The following DACH1 variants were observed in gnomAD, a reference collection of about 807,000 sequenced individuals.
DACH1 encodes the protein dachshund family transcription factor 1, also known as dachshund homolog 1.
A neutral mutation model predicts 54.2 loss-of-function variants in DACH1; 12 were observed. The ratio of observed to expected loss-of-function variants is 0.22; its 90% CI spans 0.14 to 0.36. The LOEUF (loss-of-function observed/expected upper bound fraction) is 0.36, where lower values mean the gene tolerates loss of function less well. Among genes scored for constraint, DACH1 ranks in the 10% least tolerant of loss-of-function variants. DACH1 has a pLI of 1.00. For missense variants in DACH1, 805 were observed against 929.8 expected, an observed-to-expected ratio of 0.87 and a Z score of 1.75; for synonymous variants, 386 against 366.2, an observed-to-expected ratio of 1.05 and a Z score of -0.62.
chr13:71,848,723 C>G (rs1281439702), intron 1 of DACH1, among the ~76,000 whole-genome samples: 1 of 152,026 alleles, frequency 6.6e-6, no homozygotes, highest in African/African-American at 2.4e-5. Context: ...GGGGTTCTCA[C>G]TATGTTGCCC....
At chr13:71,727,093 A>T (rs1296040003) in intron 1 of DACH1, among the ~76,000 whole-genome samples, 1 of 152,086 alleles carries the variant, frequency 6.6e-6, no homozygotes, top group African/African-American at 2.4e-5. Context: ...AAGTCTTCAA[A>T]AAACAAGGCC....
rs895379431 is a variant in DACH1, at chr13:71,674,985, C to A, written c.964+6810G>T. 3.5e-4 allele frequency: 247 copies of A among 706,698 alleles called. 1 individual carries two copies. Among genetic ancestry groups the A allele is most frequent in the Non-Finnish European group, 5.5e-4 (216 of 392,864 alleles). The allele number at this position is 706,698 out of a possible 1,614,324, so 43.8% of individuals were successfully genotyped here. ...CGCAGCCGCCACCGCGCTGCCGTCG[C>A]TCTCCAACGCCAGCGCCGCCTCTCG... On this transcript the variant is annotated intron_variant, in intron 2 of 10. Coordinates refer to ENST00000613252, the MANE Select transcript of DACH1 (RefSeq NM_080759.6).
intron 1 of DACH1, among the ~76,000 whole-genome samples, chr13:71,832,718 C>A (rs970816905): frequency 6.6e-6 from 1 of 151,972 alleles, no homozygotes; most frequent in African/African-American, 2.4e-5. Context: ...ACATCTTCTA[C>A]TACTGGAAAT....
At chr13:71,723,728 T>C (rs2137891514) in intron 1 of DACH1, among the ~76,000 whole-genome samples, 1 of 152,302 alleles carries the variant, frequency 6.6e-6, no homozygotes, top group African/African-American at 2.4e-5. Context: ...TCTCACTGCC[T>C]TTTCCAGTCT....
intron 6 of DACH1, among the ~76,000 whole-genome samples, chr13:71,507,593 T>G (rs749528028): frequency 2.0e-5 from 3 of 152,108 alleles, no homozygotes; most frequent in Admixed American, 2.0e-4. Flanking sequence ...GAATGCCAAA[T>G]GCAACACTGT....
chr13:71,631,293 A>G (rs1489707624), intron 2 of DACH1, among the ~76,000 whole-genome samples: 1 of 152,144 alleles, frequency 6.6e-6, no homozygotes, highest in African/African-American at 2.4e-5. Flanking sequence ...TCCTGAAAAA[A>G]GCTACTCATT....
At chr13:71,780,903 G>A (rs1260854723) in intron 1 of DACH1, among the ~76,000 whole-genome samples, 2 of 152,088 alleles carry the variant, frequency 1.3e-5, no homozygotes, top group African/African-American at 4.8e-5. Context: ...GGAGGCCAAG[G>A]CAAGAGAACT....
chr13:71,627,720 G>A lies in DACH1; in HGVS notation c.1126+2836C>T, dbSNP rs530202090. Among the ~76,000 whole-genome samples the A allele has an allele frequency of 3.9e-5, 6 of 151,966 alleles. No individual in the cohort carries two copies. In the East Asian group the frequency reaches 1.2e-3, roughly 30 times the overall value. Reference sequence around the variant, plus strand: ...ATAGACTGTATGCCCCTGAGTCCTGGGCCTGTGTTGTGATTATTTTTGTAT... The same window carrying A: ...ATAGACTGTATGCCCCTGAGTCCTGAGCCTGTGTTGTGATTATTTTTGTAT... On this transcript the variant is annotated intron_variant, in intron 3 of 10. Transcript: ENST00000613252.
intron 6 of DACH1, among the ~76,000 whole-genome samples, chr13:71,517,208 C>T (rs1346346984): frequency 6.6e-6 from 1 of 151,758 alleles, no homozygotes; most frequent in Non-Finnish European, 1.5e-5. Context: ...GAATCCTGCC[C>T]TAACTACAGT....
chr13:71,507,250 T>C (rs994480458), intron 6 of DACH1, among the ~76,000 whole-genome samples: 2 of 152,154 alleles, frequency 1.3e-5, no homozygotes, highest in Non-Finnish European at 2.9e-5. Context: ...GGAATCCTCA[T>C]AAATATAGTA....
At chr13:71,464,515 C>T (rs865847303) in intron 10 of DACH1, 1 of 381,102 alleles carries the variant, frequency 2.6e-6, no homozygotes, top group Middle Eastern at 3.9e-4. Context: ...ATAAATATTT[C>T]ATTAGCTCTT....
At chr13:71,470,419 C>T (rs1246822240) in intron 10 of DACH1, among the ~76,000 whole-genome samples, 1 of 151,828 alleles carries the variant, frequency 6.6e-6, no homozygotes, top group Admixed American at 6.6e-5. Context: ...AGTGATTCTC[C>T]TGCCTCAGCC....
At chr13:71,827,644 T>TA (rs1249346472) in intron 1 of DACH1, among the ~76,000 whole-genome samples, 3 of 152,030 alleles carry the variant, frequency 2.0e-5, no homozygotes, top group Non-Finnish European at 4.4e-5. Flanking sequence ...ATTAAGTTTA[T>TA]AAAAACATTG....
chr13:71,682,631 T>A (rs1389600072), intron 1 of DACH1, among the ~76,000 whole-genome samples: 1 of 152,194 alleles, frequency 6.6e-6, no homozygotes, highest in Non-Finnish European at 1.5e-5. Context: ...TCCCTTACTT[T>A]TAATATACTA....
chr13:71,771,105 C>G (rs1885833519), intron 1 of DACH1, among the ~76,000 whole-genome samples: 1 of 151,164 alleles, frequency 6.6e-6, no homozygotes, highest in East Asian at 1.9e-4. Context: ...TCATTAACAT[C>G]AAAGAATGTA....
intron 1 of DACH1, among the ~76,000 whole-genome samples, chr13:71,825,539 A>G (rs1888346687): frequency 1.3e-5 from 2 of 152,036 alleles, no homozygotes; most frequent in South Asian, 4.1e-4. Flanking sequence ...AATTTCTACA[A>G]ATGGAATCAT....
At chr13:71,464,783 C>T (rs2138147613) in intron 10 of DACH1, 1 of 446,010 alleles carries the variant, frequency 2.2e-6, no homozygotes, top group South Asian at 1.6e-5. Flanking sequence ...GAAATTTCAT[C>T]AAGTGAGCAC....
chr13:71,812,810 C>T (rs996543668), intron 1 of DACH1, among the ~76,000 whole-genome samples: 2 of 152,110 alleles, frequency 1.3e-5, no homozygotes, highest in Middle Eastern at 3.2e-3. Context: ...ACCCCCATGA[C>T]CAAATTTATA....
intron 3 of DACH1, among the ~76,000 whole-genome samples, chr13:71,619,943 G>C (rs1332682529): frequency 6.6e-6 from 1 of 151,824 alleles, no homozygotes; most frequent in Non-Finnish European, 1.5e-5. Flanking sequence ...CATAGGCTTG[G>C]ACAGTGGCAG....
Sources: gnomAD v4.1 joint callset for allele counts (sites outside exome capture counted in the v4.1 genomes callset) on GRCh38, gnomAD v4.1.1 for gene constraint, MANE v1.5 for transcripts, NCBI Gene and HGNC (gene_info 2026-07-23, HGNC 2026-07-21) for gene names.